PRKG1: variants seen among roughly 807,000 people sequenced by gnomAD.
PRKG1 encodes protein kinase cGMP-dependent 1.
PRKG1 carries 35 observed loss-of-function variants against 88.1 expected under a neutral mutation model. The ratio of observed to expected loss-of-function variants is 0.40; its 90% CI spans 0.30 to 0.53. The LOEUF (loss-of-function observed/expected upper bound fraction) is 0.53, where lower values mean the gene tolerates loss of function less well. PRKG1 is among the 20% of genes least tolerant of loss of function. The pLI is 0.59. For missense variants in PRKG1, 540 were observed against 839.8 expected, an observed-to-expected ratio of 0.64 and a Z score of 4.41; for synonymous variants, 303 against 292.5, an observed-to-expected ratio of 1.04 and a Z score of -0.37.
intron 4 of PRKG1, among the ~76,000 whole-genome samples, chr10:51,853,502 T>C (rs1164148281): frequency 6.6e-6 from 1 of 152,104 alleles, no homozygotes; most frequent in Non-Finnish European, 1.5e-5. Context: ...GGAGTATATT[T>C]TATAACATTT....
At chr10:51,234,364 T>TAG (rs1838925996) in intron 2 of PRKG1, among the ~76,000 whole-genome samples, 1 of 152,202 alleles carries the variant, frequency 6.6e-6, no homozygotes, top group Non-Finnish European at 1.5e-5. Flanking sequence ...CACTGAAAGA[T>TAG]AGAAGCTGCT....
intron 5 of PRKG1, among the ~76,000 whole-genome samples, chr10:51,936,496 C>A (rs1488503452): frequency 6.6e-6 from 1 of 151,928 alleles, no homozygotes; most frequent in Non-Finnish European, 1.5e-5. Flanking sequence ...AAGGGGCTAA[C>A]TGGATTTGTA....
chr10:51,445,127 TTTTA>T (rs1839234135), intron 2 of PRKG1, among the ~76,000 whole-genome samples: 1 of 151,874 alleles, frequency 6.6e-6, no homozygotes, highest in South Asian at 2.1e-4. Context: ...GAATTTTTCA[TTTTA>T]TTTATTTTTA....
At chr10:51,137,452 G>A (rs1369637651) in intron 1 of PRKG1, among the ~76,000 whole-genome samples, 1 of 152,074 alleles carries the variant, frequency 6.6e-6, no homozygotes, top group East Asian at 1.9e-4. Context: ...ATCTCCAATT[G>A]ACTCTGATGC....
chr10:51,530,704 A>G (rs1226721379), intron 3 of PRKG1, among the ~76,000 whole-genome samples: 2 of 152,102 alleles, frequency 1.3e-5, no homozygotes, highest in African/African-American at 2.4e-5. Flanking sequence ...AAACTTTTCC[A>G]TCTCCAGTGA....
intron 1 of PRKG1, among the ~76,000 whole-genome samples, chr10:51,117,373 T>G (rs9415721): frequency 0.5 from 76,411 of 152,118 alleles, 20,529 homozygotes; most frequent in East Asian, 0.71. Flanking sequence ...TTGCTCCTCA[T>G]GTGGTAGCAC....
At chr10:51,548,792 C>A (rs1842506812) in intron 3 of PRKG1, among the ~76,000 whole-genome samples, 2 of 152,074 alleles carry the variant, frequency 1.3e-5, no homozygotes, top group Non-Finnish European at 2.9e-5. Context: ...CAGTTTTAGA[C>A]AAATCTCCAG....
intron 2 of PRKG1, among the ~76,000 whole-genome samples, chr10:51,232,646 T>G (rs996118288): frequency 6.6e-6 from 1 of 152,138 alleles, no homozygotes; most frequent in African/African-American, 2.4e-5. Context: ...GGTACCTCAG[T>G]GCAATGGAAA....
intron 2 of PRKG1, among the ~76,000 whole-genome samples, chr10:51,405,744 G>T (rs1837890981): frequency 6.6e-6 from 1 of 152,104 alleles, no homozygotes; most frequent in Admixed American, 6.5e-5. Flanking sequence ...CCCATAAAAG[G>T]TATCCGAAAT....
chr10:51,842,998 T>A (rs1840314844), intron 4 of PRKG1, among the ~76,000 whole-genome samples: 1 of 151,762 alleles, frequency 6.6e-6, no homozygotes. Context: ...TGAGGTCAGA[T>A]GGTCATTATG....
intron 5 of PRKG1, among the ~76,000 whole-genome samples, chr10:52,011,033 C>T (rs1844867155): frequency 6.6e-6 from 1 of 152,192 alleles, no homozygotes; most frequent in Admixed American, 6.5e-5. Context: ...GGACAGTTCT[C>T]TTAGCTCTAT....
intron 2 of PRKG1, among the ~76,000 whole-genome samples, chr10:51,329,334 T>G (rs1216442240): frequency 6.6e-6 from 1 of 152,212 alleles, no homozygotes. Context: ...CCCTTTGCCC[T>G]TATATACTCT....
intron 2 of PRKG1, among the ~76,000 whole-genome samples, chr10:51,269,553 T>G (rs1839923845): frequency 6.6e-6 from 1 of 152,218 alleles, no homozygotes; most frequent in Non-Finnish European, 1.5e-5. Flanking sequence ...AATGAAATAA[T>G]GGCATTTGCA....
chr10:51,464,859 C>G (rs1839850190), intron 2 of PRKG1, among the ~76,000 whole-genome samples: 1 of 143,516 alleles, frequency 7.0e-6, no homozygotes, highest in Admixed American at 7.1e-5. Context: ...CCACTGCACT[C>G]CAGCCTGGGC....
At chr10:52,269,723 A>C (rs1264398084) in intron 10 of PRKG1, among the ~76,000 whole-genome samples, 1 of 152,110 alleles carries the variant, frequency 6.6e-6, no homozygotes, top group Non-Finnish European at 1.5e-5. Context: ...TATCATCTTG[A>C]GGATTCTGCT....
At chr10:51,343,172 T>G (rs1301441576) in intron 2 of PRKG1, among the ~76,000 whole-genome samples, 1 of 152,198 alleles carries the variant, frequency 6.6e-6, no homozygotes, top group African/African-American at 2.4e-5. Flanking sequence ...CATAGATCAG[T>G]AACTCAACTC....
At position 52,128,834 on chromosome 10, in the gene PRKG1, A is replaced by AT. The variant is rs1837174684; in HGVS notation, c.936-5002dup. On this transcript the variant is annotated intron_variant, in intron 7 of 17. Coordinates refer to ENST00000373980, the MANE Select transcript of PRKG1 (RefSeq NM_006258.4). ...AGGCACAGAACTAGATAAGCGTGAGATTTTATTTTTAGAGACAATTTGCAT... is the reference window on the plus strand; with the variant it reads ...AGGCACAGAACTAGATAAGCGTGAGATTTTTATTTTTAGAGACAATTTGCAT... Among the ~76,000 whole-genome samples the AT allele has an allele frequency of 2.6e-5, 4 of 152,272 alleles. No individual in the cohort carries two copies. In the Middle Eastern group the frequency reaches 0.01, roughly 388 times the overall value.
At chr10:51,358,120 A>C (rs929275551) in intron 2 of PRKG1, among the ~76,000 whole-genome samples, 2 of 151,842 alleles carry the variant, frequency 1.3e-5, no homozygotes, top group Non-Finnish European at 2.9e-5. Flanking sequence ...GGGGGTCATG[A>C]GATTGTAGTC....
At chr10:52,113,692 A>G (rs1847620768) in intron 7 of PRKG1, among the ~76,000 whole-genome samples, 2 of 152,114 alleles carry the variant, frequency 1.3e-5, no homozygotes, top group South Asian at 4.1e-4. Context: ...AAAGATGGCA[A>G]ATGATCATTG....
Sources: gnomAD v4.1 joint callset for allele counts (sites outside exome capture counted in the v4.1 genomes callset) on GRCh38, gnomAD v4.1.1 for gene constraint, MANE v1.5 for transcripts, NCBI Gene and HGNC (gene_info 2026-07-23, HGNC 2026-07-21) for gene names.